FHIT: variants seen among roughly 807,000 people sequenced by gnomAD.
The protein encoded by FHIT is bis(5'-adenosyl)-triphosphatase.
A neutral mutation model predicts 17.9 loss-of-function variants in FHIT; 19 were observed. That is an observed-to-expected ratio of 1.06 (90% CI 0.74 to 1.56). The LOEUF (loss-of-function observed/expected upper bound fraction) is 1.56, where lower values mean the gene tolerates loss of function less well. FHIT is among the 40% of genes most tolerant of loss of function. FHIT has a pLI of 0.00. For missense variants in FHIT, 248 were observed against 189.2 expected (o/e 1.31, Z -1.82); for synonymous variants, 81 against 69.7 (o/e 1.16, Z -0.81).
chr3:60,339,352 G>A (rs1388858751), intron 5 of FHIT, among the ~76,000 whole-genome samples: 1 of 152,078 alleles, frequency 6.6e-6, no homozygotes, highest in Admixed American at 6.5e-5. Flanking sequence ...ATCCATATCT[G>A]AAACAAAGAC....
intron 8 of FHIT, among the ~76,000 whole-genome samples, chr3:59,861,227 A>G (rs543536685): frequency 6.6e-6 from 1 of 152,278 alleles, no homozygotes; most frequent in South Asian, 2.1e-4. Flanking sequence ...TCCATGGCAA[A>G]CATGGACACC....
chr3:60,803,350 C>T (rs993919464), intron 4 of FHIT, among the ~76,000 whole-genome samples: 19 of 152,096 alleles, frequency 1.2e-4, no homozygotes, highest in Admixed American at 1.0e-3. Flanking sequence ...AGCCAGCCGC[C>T]GCCAAAAACA....
intron 5 of FHIT, among the ~76,000 whole-genome samples, chr3:60,180,718 A>G (rs1032605393): frequency 2.0e-5 from 3 of 152,162 alleles, no homozygotes; most frequent in Non-Finnish European, 4.4e-5. Flanking sequence ...ATGCTTTTTC[A>G]CAGATAAGCA....
chr3:60,710,289 G>T (rs562245617), intron 4 of FHIT, among the ~76,000 whole-genome samples: 1 of 152,272 alleles, frequency 6.6e-6, no homozygotes, highest in Middle Eastern at 3.4e-3. Context: ...ACATTTGGAG[G>T]AGCCAAGATG....
At chr3:60,563,782 C>A (rs1288510481) in intron 4 of FHIT, among the ~76,000 whole-genome samples, 1 of 152,160 alleles carries the variant, frequency 6.6e-6, no homozygotes. Flanking sequence ...GAAAACAAGT[C>A]TGAAGCTAGC....
At chr3:59,785,956 G>C (rs112049875) in intron 8 of FHIT, among the ~76,000 whole-genome samples, 3,542 of 152,318 alleles carry the variant, frequency 0.023, 65 homozygotes, top group Non-Finnish European at 0.034. Flanking sequence ...ACCCCGCTTA[G>C]AGGATCTGTC....
intron 9 of FHIT, chr3:59,751,862 CT>C: frequency 3.9e-6 from 1 of 254,776 alleles, no homozygotes; most frequent in African/African-American, 2.2e-5. Context: ...CATGTCACAC[CT>C]TTAAGTTAAG....
chr3:61,130,804 G>A (rs2036741148), intron 2 of FHIT, among the ~76,000 whole-genome samples: 3 of 152,246 alleles, frequency 2.0e-5, no homozygotes, highest in Non-Finnish European at 4.4e-5. Context: ...GAGTACAGAC[G>A]AAAAGAACCA....
intron 5 of FHIT, among the ~76,000 whole-genome samples, chr3:60,260,984 C>A (rs140422101): frequency 0.012 from 1,857 of 152,058 alleles, 25 homozygotes; most frequent in Middle Eastern, 0.027. Context: ...GGAACCCAAC[C>A]CTCAGCTCCG....
intron 4 of FHIT, among the ~76,000 whole-genome samples, chr3:60,581,096 A>G (rs2037735322): frequency 1.3e-5 from 2 of 152,126 alleles, no homozygotes; most frequent in Admixed American, 6.6e-5. Flanking sequence ...CTGAATGAAT[A>G]TGGAATCTCA....
At chr3:59,974,219 T>G (rs1161296823) in intron 7 of FHIT, among the ~76,000 whole-genome samples, 6 of 152,124 alleles carry the variant, frequency 3.9e-5, no homozygotes, top group Non-Finnish European at 8.8e-5. Context: ...GACAGATGAT[T>G]TGCTACACAG....
At chr3:59,944,779 T>C (rs1043805399) in intron 7 of FHIT, among the ~76,000 whole-genome samples, 2 of 152,170 alleles carry the variant, frequency 1.3e-5, no homozygotes, top group African/African-American at 4.8e-5. Context: ...TATGCAGTAT[T>C]TGGTTTTCTG....
intron 5 of FHIT, among the ~76,000 whole-genome samples, chr3:60,256,483 T>C (rs922612576): frequency 3.3e-5 from 5 of 152,192 alleles, no homozygotes; most frequent in African/African-American, 1.2e-4. Context: ...AGGCAAAATG[T>C]TATCTTGCTT....
chr3:60,318,000 C>G (rs1454158605), intron 5 of FHIT, among the ~76,000 whole-genome samples: 1 of 152,038 alleles, frequency 6.6e-6, no homozygotes, highest in Non-Finnish European at 1.5e-5. Flanking sequence ...CCATGTTGGC[C>G]AGGCTGGTCT....
chr3:60,339,936 A>T (rs1360733620), intron 5 of FHIT, among the ~76,000 whole-genome samples: 10 of 152,132 alleles, frequency 6.6e-5, no homozygotes, highest in African/African-American at 2.4e-4. Context: ...GGAGATTCTG[A>T]AAGTTGCCAA....
chr3:59,871,475 G>T (rs1256855592), intron 8 of FHIT, among the ~76,000 whole-genome samples: 3 of 151,774 alleles, frequency 2.0e-5, no homozygotes, highest in African/African-American at 7.3e-5. Flanking sequence ...CACATACAAA[G>T]ACCACCACCT....
chr3:60,138,389 TTG>T (rs1173955969), intron 5 of FHIT, among the ~76,000 whole-genome samples: 2 of 152,302 alleles, frequency 1.3e-5, no homozygotes, highest in East Asian at 3.9e-4. Context: ...TAAATACACA[TTG>T]TCTCTCCTCT....
chr3:61,040,075 G>A (rs925455791), intron 3 of FHIT, among the ~76,000 whole-genome samples: 1 of 152,224 alleles, frequency 6.6e-6, no homozygotes, highest in African/African-American at 2.4e-5. Flanking sequence ...GAATGAGAAA[G>A]GGCATTTGCA....
intron 4 of FHIT, among the ~76,000 whole-genome samples, chr3:60,807,011 G>A (rs116441177): frequency 6.6e-6 from 1 of 152,200 alleles, no homozygotes; most frequent in Non-Finnish European, 1.5e-5. Flanking sequence ...TAATAAAGAG[G>A]AAAATGAGAG....
Sources: allele counts gnomAD v4.1 joint callset (sites outside exome capture counted in the v4.1 genomes callset), GRCh38; gene constraint gnomAD v4.1.1; transcripts MANE v1.5; gene names NCBI Gene and HGNC (gene_info 2026-07-23, HGNC 2026-07-21).